Variants in MCC observed in about 807,000 individuals in gnomAD.
The protein encoded by MCC is colorectal mutant cancer protein.
A neutral mutation model predicts 116.2 loss-of-function variants in MCC; 90 were observed. The observed-to-expected ratio is 0.77, with a 90% CI of 0.65 to 0.92. The LOEUF is 0.92. Among genes scored for constraint, MCC ranks in the 40% least tolerant of loss-of-function variants. The pLI is 0.00. For missense variants in MCC, 1,516 were observed against 1,312.2 expected, an observed-to-expected ratio of 1.16 and a Z score of -2.40; for synonymous variants, 578 against 510.5, an observed-to-expected ratio of 1.13 and a Z score of -1.78.
At chr5:113,173,647 G>T (rs541496909) in intron 3 of MCC, among the ~76,000 whole-genome samples, 3 of 152,272 alleles carry the variant, frequency 2.0e-5, no homozygotes, top group African/African-American at 7.2e-5. Flanking sequence ...TTATCAAATT[G>T]TATTTTTCTT....
intron 1 of MCC, among the ~76,000 whole-genome samples, chr5:113,479,484 T>A (rs1157656952): frequency 1.3e-5 from 2 of 152,142 alleles, no homozygotes; most frequent in Non-Finnish European, 2.9e-5. Context: ...GAATACTGCA[T>A]ATCGGTTAGC....
chr5:113,329,577 G>T (rs1293474559), intron 3 of MCC, among the ~76,000 whole-genome samples: 1 of 151,958 alleles, frequency 6.6e-6, no homozygotes, highest in Non-Finnish European at 1.5e-5. Context: ...AATCCAGAAA[G>T]CCATACAAAC....
chr5:113,328,297 G>A (rs1033226160), intron 3 of MCC, among the ~76,000 whole-genome samples: 2 of 152,174 alleles, frequency 1.3e-5, no homozygotes, highest in Non-Finnish European at 2.9e-5. Flanking sequence ...GTTATTCATA[G>A]GAATAATCGT....
chr5:113,353,454 T>C (rs1768332623), intron 2 of MCC, among the ~76,000 whole-genome samples: 1 of 152,180 alleles, frequency 6.6e-6, no homozygotes, highest in African/African-American at 2.4e-5. Flanking sequence ...AAAATAAAGA[T>C]TATACATTTA....
intron 16 of MCC, among the ~76,000 whole-genome samples, chr5:113,047,142 A>G (rs1295005995): frequency 6.6e-6 from 1 of 152,080 alleles, no homozygotes; most frequent in Non-Finnish European, 1.5e-5. Context: ...TCCCAAGTGG[A>G]CATTTGTGTC....
intron 16 of MCC, 23 bp from the exon 17 acceptor site, chr5:113,043,653 A>C: frequency 6.4e-7 from 1 of 1,566,994 alleles, no homozygotes; most frequent in Non-Finnish European, 8.8e-7. Context: ...AACACATTCC[A>C]GTTAGGCCTG....
intron 5 of MCC, among the ~76,000 whole-genome samples, chr5:113,130,233 G>A (rs1479806756): frequency 6.6e-6 from 1 of 152,084 alleles, no homozygotes; most frequent in Non-Finnish European, 1.5e-5. Context: ...AACTAATACA[G>A]GAACAGAAAA....
intron 3 of MCC, among the ~76,000 whole-genome samples, chr5:113,270,921 A>G (rs1765592582): frequency 6.6e-6 from 1 of 152,052 alleles, no homozygotes; most frequent in South Asian, 2.1e-4. Flanking sequence ...ATATATATAT[A>G]TACAAACAAA....
chr5:113,189,368 G>A (rs935163), intron 3 of MCC, among the ~76,000 whole-genome samples: 1 of 152,070 alleles, frequency 6.6e-6, no homozygotes, highest in Admixed American at 6.5e-5. Context: ...CAATTTTACA[G>A]TTAAACAGAA....
At chr5:113,245,463 G>A (rs1190789515) in intron 3 of MCC, among the ~76,000 whole-genome samples, 1 of 151,504 alleles carries the variant, frequency 6.6e-6, no homozygotes, top group African/African-American at 2.4e-5. Context: ...CAACCTAACT[G>A]GTCAGGGAAA....
chr5:113,138,621 G>A (rs190028544), intron 5 of MCC, among the ~76,000 whole-genome samples: 1 of 152,196 alleles, frequency 6.6e-6, no homozygotes, highest in Non-Finnish European at 1.5e-5. Context: ...TGTTGTGTGA[G>A]CCACCTTGTC....
At chr5:113,481,025 C>A (rs1322842591) in intron 1 of MCC, among the ~76,000 whole-genome samples, 1 of 152,200 alleles carries the variant, frequency 6.6e-6, no homozygotes, top group Non-Finnish European at 1.5e-5. Flanking sequence ...GATCCACCTG[C>A]CTCAGCCTCC....
intron 3 of MCC, among the ~76,000 whole-genome samples, chr5:113,208,303 T>C (rs1762992824): frequency 6.6e-6 from 1 of 152,162 alleles, no homozygotes; most frequent in South Asian, 2.1e-4. Context: ...TGGCACACTT[T>C]GTGAGAAGGA....
chr5:113,077,452 C>T (rs1754535992), intron 11 of MCC, among the ~76,000 whole-genome samples: 1 of 152,220 alleles, frequency 6.6e-6, no homozygotes, highest in African/African-American at 2.4e-5. Context: ...TTATAACAAA[C>T]TGTCTCTCAG....
chr5:113,114,037 A>G (rs1182474627), intron 6 of MCC, among the ~76,000 whole-genome samples: 1 of 144,250 alleles, frequency 6.9e-6, no homozygotes, highest in Middle Eastern at 3.2e-3. Context: ...GTTTACACAT[A>G]TGCCTTTAGG....
chr5:113,218,465 C>A (rs1015446049), intron 3 of MCC, among the ~76,000 whole-genome samples: 1 of 152,110 alleles, frequency 6.6e-6, no homozygotes, highest in African/African-American at 2.4e-5. Flanking sequence ...ACCAGGAGGG[C>A]AGAAGGTGGG....
chr5:113,327,587 A>ATATATATATATAT (rs1561525261), intron 3 of MCC, among the ~76,000 whole-genome samples: 5 of 96,634 alleles, frequency 5.2e-5, no homozygotes, highest in African/African-American at 2.1e-4. Context: ...TATATATATA[A>ATATATATATATAT]AAATCTCATC....
In MCC at chr5:113,461,744, T is replaced by TAA. The variant is rs56312844; in HGVS notation, c.170+26499_170+26500dup. Among the ~76,000 whole-genome samples, 875 of 118,790 alleles carry TAA rather than the reference T, an allele frequency of 7.4e-3. 10 individuals are homozygous for TAA. The highest frequency in any genetic ancestry group is 0.025 in the African/African-American group (806 of 31,776). The allele number at this position is 118,790 out of a possible 152,430, so 77.9% of individuals were successfully genotyped here. On this transcript the variant is annotated intron_variant, in intron 1 of 18. Coordinates refer to ENST00000408903, the MANE Select transcript of MCC (RefSeq NM_001085377.2). ...TTTAAGGATGAACAACTTGCACCAG[T>TAA]AAAAAAAAAAAAAAAAAAAAAAAAT...
intron 1 of MCC, among the ~76,000 whole-genome samples, chr5:113,484,875 G>A (rs1402413923): frequency 6.6e-6 from 1 of 152,140 alleles, no homozygotes; most frequent in African/African-American, 2.4e-5. Flanking sequence ...AAAAAATCCA[G>A]TACCATAAAA....
Sources: gnomAD v4.1 joint callset for allele counts (sites outside exome capture counted in the v4.1 genomes callset) on GRCh38, gnomAD v4.1.1 for gene constraint, MANE v1.5 for transcripts, NCBI Gene and HGNC (gene_info 2026-07-23, HGNC 2026-07-21) for gene names.